Variants in XRCC4 observed in about 807,000 individuals in gnomAD.
XRCC4 encodes DNA repair protein XRCC4.
Under a neutral mutation model 39.1 loss-of-function variants are expected in XRCC4, and 28 were observed. The ratio of observed to expected loss-of-function variants is 0.72; its 90% CI spans 0.53 to 0.98. XRCC4 has a LOEUF of 0.98. Ranked by LOEUF, XRCC4 falls within the 50% of genes least tolerant of loss-of-function variation. The pLI is 0.00. For synonymous variants in XRCC4, 123 were observed against 126.4 expected, an observed-to-expected ratio of 0.97 and a Z score of 0.18; for missense variants, 350 against 376.4, an observed-to-expected ratio of 0.93 and a Z score of 0.58.
chr5:83,098,671 CA>C (rs1011382473), intron 1 of XRCC4, among the ~76,000 whole-genome samples: 25 of 144,702 alleles, frequency 1.7e-4, no homozygotes, highest in Admixed American at 4.8e-4. Flanking sequence ...GTAGTTTTTT[CA>C]AAAAAAAAAA....
At chr5:83,315,939 G>T (rs1755866132) in intron 7 of XRCC4, among the ~76,000 whole-genome samples, 1 of 152,106 alleles carries the variant, frequency 6.6e-6, no homozygotes. Flanking sequence ...GGCTACAACT[G>T]CCATAGATAG....
At chr5:83,256,584 A>G (rs1474364486) in intron 6 of XRCC4, among the ~76,000 whole-genome samples, 1 of 151,788 alleles carries the variant, frequency 6.6e-6, no homozygotes, top group Non-Finnish European at 1.5e-5. Context: ...TTGTACTTTC[A>G]TTAGTCATCT....
chr5:83,374,166 A>C, the XRCC4 span, among the ~76,000 whole-genome samples: 1 of 152,142 alleles, frequency 6.6e-6, no homozygotes, highest in Non-Finnish European at 1.5e-5. Context: ...TGAGTAGGTG[A>C]TATGATTTGG....
At chr5:83,354,827 C>T (rs1475581415), downstream of XRCC4, among the ~76,000 whole-genome samples, 3 of 152,138 alleles carry the variant, frequency 2.0e-5, no homozygotes, top group Non-Finnish European at 4.4e-5. Context: ...CAAATTGACT[C>T]TCCCTTTGTG....
rs938911170 is a variant in XRCC4, at chr5:83,190,256, T to G, written c.316-5514T>G. Reference sequence around the variant, plus strand: ...TTTTTTTAAACATATCTTGATCAATTTCCTGTATTACTAGAATTTTACAAC... The same window carrying G: ...TTTTTTTAAACATATCTTGATCAATGTCCTGTATTACTAGAATTTTACAAC... On this transcript the variant is annotated intron_variant, in intron 3 of 7. Transcript: ENST00000396027. Among the ~76,000 whole-genome samples the G allele has an allele frequency of 5.3e-5, 8 of 152,114 alleles. No individual in the cohort carries two copies. The South Asian group carries it at 1.2e-3, about 24-fold the overall frequency.
intron 6 of XRCC4, among the ~76,000 whole-genome samples, chr5:83,210,633 G>T (rs1325522391): frequency 6.6e-6 from 1 of 150,798 alleles, no homozygotes; most frequent in Non-Finnish European, 1.5e-5. Flanking sequence ...TGAGGAAATT[G>T]CCACTGATAC....
At chr5:83,330,659 G>A (rs1476870309) in intron 7 of XRCC4, among the ~76,000 whole-genome samples, 1 of 151,942 alleles carries the variant, frequency 6.6e-6, no homozygotes, top group East Asian at 1.9e-4. Context: ...TTAGGTGGTA[G>A]CTTTGCAGGA....
chr5:83,107,441 CTT>C, intron 2 of XRCC4, among the ~76,000 whole-genome samples: 1 of 151,202 alleles, frequency 6.6e-6, no homozygotes, highest in East Asian at 1.9e-4. Context: ...TTTTTTTTCT[CTT>C]TTTATTTGAG....
At chr5:83,342,286 T>C (rs1179581334) in intron 7 of XRCC4, among the ~76,000 whole-genome samples, 1 of 152,220 alleles carries the variant, frequency 6.6e-6, no homozygotes, top group African/African-American at 2.4e-5. Context: ...AGATTCTGGA[T>C]ATGTTTACCT....
intron 3 of XRCC4, among the ~76,000 whole-genome samples, chr5:83,134,765 T>A (rs2112495310): frequency 6.6e-6 from 1 of 152,288 alleles, no homozygotes; most frequent in South Asian, 2.1e-4. Context: ...ACTCTTTGGG[T>A]TCGCTCTGCC....
At chr5:83,347,080 C>T (rs959966969) in intron 7 of XRCC4, among the ~76,000 whole-genome samples, 2 of 152,002 alleles carry the variant, frequency 1.3e-5, no homozygotes, top group Admixed American at 6.6e-5. Context: ...TTGAACCAAC[C>T]CAAACCTCTA....
At chr5:83,101,632 C>T (rs1745941845) in intron 1 of XRCC4, among the ~76,000 whole-genome samples, 2 of 151,956 alleles carry the variant, frequency 1.3e-5, no homozygotes, top group Admixed American at 1.3e-4. Flanking sequence ...GTGGTGTTCC[C>T]ACATAGTGTT....
Position 83,203,691 on chromosome 5 carries a change from G to A in XRCC4, c.622G>A (p.Asp208Asn). Residue 208 changes from aspartate to asparagine, a missense_variant, in exon 5 of 8, where the codon GAC becomes AAC. Physicochemically the swap from Asp to Asn is conservative, Grantham distance 23. Transcript: ENST00000396027. ...LLNAAQEREK[D>N]IKQEGETAIC... ...AAATGCAGCTCAAGAACGAGAAAAG[G>A]ACATCAAACAAGAAGGGTATTTTCG... The A allele has an allele frequency of 6.2e-7, 1 of 1,608,010 alleles. No homozygotes were observed. The highest frequency in any genetic ancestry group is 8.5e-7 in the Non-Finnish European group (1 of 1,177,872).
rs1750289185 is a variant in XRCC4, at chr5:83,183,411, T to TG, written c.316-12359_316-12358insG. Among the ~76,000 whole-genome samples the TG allele has an allele frequency of 4.2e-5, 5 of 119,374 alleles. No homozygotes were observed. In the South Asian group the frequency reaches 9.5e-4, roughly 23 times the overall value. The allele number at this position is 119,374 out of a possible 152,430, so 78.3% of individuals were successfully genotyped here. On this transcript the variant is annotated intron_variant, in intron 3 of 7. Coordinates refer to ENST00000396027, the MANE Select transcript of XRCC4 (RefSeq NM_003401.5). ...CATTTTGTCTCCTATTTTTCATTTA[T>TG]TTGTGTGTGTGTGTGTGTGTGTGTG...
At chr5:83,284,172 A>T (rs1221755383) in intron 7 of XRCC4, among the ~76,000 whole-genome samples, 1 of 151,542 alleles carries the variant, frequency 6.6e-6, no homozygotes, top group South Asian at 2.1e-4. Flanking sequence ...GATCCTATTC[A>T]TGAAAAAACT....
chr5:83,169,988 C>T (rs369483774), intron 3 of XRCC4, among the ~76,000 whole-genome samples: 1 of 152,030 alleles, frequency 6.6e-6, no homozygotes, highest in South Asian at 2.1e-4. Context: ...ACATGTTAAT[C>T]TTTTGCCATA....
rs766453483 is a variant in XRCC4 at position 83,324,575 on chromosome 5, C to T, written c.894-28556C>T. On this transcript the variant is annotated intron_variant, in intron 7 of 7. Transcript: ENST00000396027. Reference sequence around the variant, plus strand: ...TTCTTTTTTTAAGTACATAAGATGCCATTGGCTTTTGCCATTTCTGTAGCT... The same window carrying T: ...TTCTTTTTTTAAGTACATAAGATGCTATTGGCTTTTGCCATTTCTGTAGCT... Among the ~76,000 whole-genome samples the T allele has an allele frequency of 1.3e-4, 19 of 151,962 alleles. 1 individual carries two copies. Among genetic ancestry groups the T allele is most frequent in the Non-Finnish European group, 8.8e-5 (6 of 67,982 alleles).
chr5:83,250,420 G>T (rs1753262058), intron 6 of XRCC4, among the ~76,000 whole-genome samples: 1 of 152,252 alleles, frequency 6.6e-6, no homozygotes, highest in East Asian at 1.9e-4. Context: ...TAGTATTTAA[G>T]AATTTATAGC....
chr5:83,130,790 T>G (rs539613532), intron 3 of XRCC4, among the ~76,000 whole-genome samples: 15 of 152,224 alleles, frequency 9.9e-5, no homozygotes, highest in South Asian at 4.1e-4. Context: ...ATGGTAGTTT[T>G]TATTTCTGTG....
Sources: allele counts gnomAD v4.1 joint callset (sites outside exome capture counted in the v4.1 genomes callset), GRCh38; gene constraint gnomAD v4.1.1; transcripts MANE v1.5; gene names NCBI Gene and HGNC (gene_info 2026-07-23, HGNC 2026-07-21).